The following SMOC1 variants were observed in gnomAD, a reference collection of about 807,000 sequenced individuals.
SMOC1 encodes SPARC related modular calcium binding 1, also known as SPARC-related modular calcium-binding protein 1.
SMOC1 carries 22 observed loss-of-function variants against 56.3 expected under a neutral mutation model. The ratio of observed to expected loss-of-function variants is 0.39; its 90% confidence interval spans 0.28 to 0.56. The LOEUF (loss-of-function observed/expected upper bound fraction) is 0.56, where lower values mean the gene tolerates loss of function less well. Among genes scored for constraint, SMOC1 ranks in the 20% least tolerant of loss-of-function variants. SMOC1 has a pLI of 0.61. For missense variants in SMOC1, 509 were observed against 565.4 expected, an observed-to-expected ratio of 0.90 and a Z score of 1.01; for synonymous variants, 193 against 215.0, an observed-to-expected ratio of 0.90 and a Z score of 0.89.
chr14:69,987,672 G>A (rs1884413703), intron 5 of SMOC1, among the ~76,000 whole-genome samples: 3 of 152,158 alleles, frequency 2.0e-5, no homozygotes, highest in Admixed American at 2.0e-4. Context: ...CCTGAGAATA[G>A]TCTGAGCGGA....
At chr14:70,027,198 G>A (rs1368849990) in intron 11 of SMOC1, among the ~76,000 whole-genome samples, 3 of 152,226 alleles carry the variant, frequency 2.0e-5, no homozygotes, top group African/African-American at 7.2e-5. Context: ...CTAGCCCAGA[G>A]AGGAGTAGCG....
chr14:69,963,988 G>T lies in SMOC1; in HGVS notation c.378+10456G>T, dbSNP rs148504226. Among the ~76,000 whole-genome samples the T allele has an allele frequency of 1.7e-4, 26 of 152,318 alleles. No individual in the cohort carries two copies. The East Asian group carries it at 5.0e-3, about 29-fold the overall frequency. On this transcript the variant is annotated intron_variant, in intron 3 of 11. Coordinates refer to ENST00000361956, the MANE Select transcript of SMOC1 (RefSeq NM_001034852.3). ...GTGGATGGAGCACGCTTTGTGCTCA[G>T]AACACTGTCTCCATTGTGCTCTCTG...
chr14:69,953,390 A>G, intron 2 of SMOC1, 30 bp from the exon 3 acceptor site: 3 of 1,607,042 alleles, frequency 1.9e-6, no homozygotes, highest in South Asian at 2.2e-5. Flanking sequence ...ATCCAAGTGA[A>G]ATATGAAATC....
At chr14:69,975,877 TG>T (rs1883932905) in intron 4 of SMOC1, 63 bp downstream of exon 4, 2 of 1,170,082 alleles carry the variant, frequency 1.7e-6, no homozygotes, top group African/African-American at 1.5e-5. Context: ...GTTGGTCTCC[TG>T]CATCTTGTGG....
At chr14:69,967,575 G>T (rs1158251113) in intron 3 of SMOC1, among the ~76,000 whole-genome samples, 1 of 152,140 alleles carries the variant, frequency 6.6e-6, no homozygotes, top group Non-Finnish European at 1.5e-5. Context: ...GACACCCCTG[G>T]CCTAGATCCT....
chr14:69,909,799 T>G (rs1884508071), intron 1 of SMOC1, among the ~76,000 whole-genome samples: 1 of 152,196 alleles, frequency 6.6e-6, no homozygotes, highest in Non-Finnish European at 1.5e-5. Flanking sequence ...TTTAATTTGT[T>G]TATCATTGAT....
intron 1 of SMOC1, among the ~76,000 whole-genome samples, chr14:69,884,185 C>T (rs993531284): frequency 2.2e-4 from 33 of 152,252 alleles, no homozygotes; most frequent in Non-Finnish European, 2.9e-5. Flanking sequence ...GGACTACAGG[C>T]GTGAGCCACC....
intron 1 of SMOC1, among the ~76,000 whole-genome samples, chr14:69,901,371 A>C (rs186254532): frequency 9.3e-4 from 141 of 152,214 alleles, no homozygotes; most frequent in African/African-American, 3.0e-3. Context: ...GGATATCCTA[A>C]TTTCTGCAGT....
intron 1 of SMOC1, among the ~76,000 whole-genome samples, chr14:69,934,256 G>A (rs902815698): frequency 1.3e-5 from 2 of 152,100 alleles, no homozygotes; most frequent in African/African-American, 4.8e-5. Context: ...CTCACATCTC[G>A]TTTCTGTTAG....
intron 9 of SMOC1, among the ~76,000 whole-genome samples, chr14:70,012,134 TAC>T (rs1403668408): frequency 1.3e-5 from 2 of 152,240 alleles, no homozygotes; most frequent in Non-Finnish European, 2.9e-5. Context: ...TTATTGTCTT[TAC>T]ACAGCACAAA....
intron 3 of SMOC1, among the ~76,000 whole-genome samples, chr14:69,974,248 G>A (rs753305696): frequency 1.3e-5 from 2 of 152,128 alleles, no homozygotes; most frequent in South Asian, 4.1e-4. Context: ...TGTGATTTTG[G>A]GGGCCCCAGG....
rs755516636 is a variant in SMOC1, at chr14:69,992,466, T to C, written c.576T>C (p.Asp192=). ...CGATGGAGACCCAGCCGGTGTTCGA[T>C]GGAGATGGTAAGATCTTGCATTACT... ...TPTMETQPVF[D]GDEITAPTLW... The change falls in exon 6 of 12, where the codon GAT becomes GAC. Residue 192 remains aspartate, a synonymous_variant. Transcript: ENST00000361956. The C allele has an allele frequency of 2.5e-6, 4 of 1,613,364 alleles. No homozygotes were observed. Among genetic ancestry groups the C allele is most frequent in the South Asian group, 2.2e-5 (2 of 91,078 alleles).
At chr14:69,944,895 C>A (rs1487615605) in intron 1 of SMOC1, among the ~76,000 whole-genome samples, 1 of 151,974 alleles carries the variant, frequency 6.6e-6, no homozygotes, top group Non-Finnish European at 1.5e-5. Context: ...TTTTTCATTT[C>A]CATTATTCCA....
At chr14:69,881,826 ATC>A (rs902222579) in intron 1 of SMOC1, among the ~76,000 whole-genome samples, 2 of 152,138 alleles carry the variant, frequency 1.3e-5, no homozygotes, top group African/African-American at 4.8e-5. Context: ...ACTTTACATG[ATC>A]TCTTACTCGA....
intron 6 of SMOC1, 80 bp from the exon 7 acceptor site, chr14:69,994,320 A>G (rs748362723): frequency 2.8e-5 from 31 of 1,105,784 alleles, no homozygotes; most frequent in South Asian, 2.6e-4. Context: ...AAAAATGACT[A>G]TTAAGAAGTC....
At chr14:69,994,268 T>C (rs936543611) in intron 6 of SMOC1, 132 bp from the exon 7 acceptor site, 2 of 789,720 alleles carry the variant, frequency 2.5e-6, no homozygotes, top group Non-Finnish European at 4.6e-6. Flanking sequence ...CTGGGAGGAG[T>C]GGATGTGGGA....
At chr14:69,912,755 C>T (rs1189847715) in intron 1 of SMOC1, among the ~76,000 whole-genome samples, 3 of 152,034 alleles carry the variant, frequency 2.0e-5, no homozygotes, top group Non-Finnish European at 4.4e-5. Flanking sequence ...AGGAAAAGGC[C>T]CTCAGTTTTT....
intron 1 of SMOC1, among the ~76,000 whole-genome samples, chr14:69,906,323 A>G: frequency 6.6e-6 from 1 of 152,206 alleles, no homozygotes; most frequent in East Asian, 1.9e-4. Flanking sequence ...TGGAGCCCTG[A>G]GCCACTATGT....
chr14:69,953,020 C>A (rs1883058879), intron 2 of SMOC1, among the ~76,000 whole-genome samples: 2 of 152,224 alleles, frequency 1.3e-5, no homozygotes, highest in South Asian at 4.1e-4. Flanking sequence ...GGTGGCTAAG[C>A]AGGCTGCGCT....
Sources: allele counts gnomAD v4.1 joint callset (sites outside exome capture counted in the v4.1 genomes callset), GRCh38; gene constraint gnomAD v4.1.1; transcripts MANE v1.5; gene names NCBI Gene and HGNC (gene_info 2026-07-23, HGNC 2026-07-21).